ANXA10: variants seen among roughly 807,000 people sequenced by gnomAD.
ANXA10 encodes the protein annexin A10.
A neutral mutation model predicts 53.5 loss-of-function variants in ANXA10; 49 were observed. The ratio of observed to expected loss-of-function variants is 0.92; its 90% CI spans 0.73 to 1.16. The LOEUF (loss-of-function observed/expected upper bound fraction) is 1.16. ANXA10 is among the 50% of genes most tolerant of loss of function. ANXA10 has a pLI of 0.00. For synonymous variants in ANXA10, 131 were observed against 128.9 expected, an observed-to-expected ratio of 1.02 and a Z score of -0.11; for missense variants, 393 against 394.4, an observed-to-expected ratio of 1.00 and a Z score of 0.03.
intron 2 of ANXA10, among the ~76,000 whole-genome samples, chr4:168,135,903 A>G (rs1731229564): frequency 6.6e-6 from 1 of 152,238 alleles, no homozygotes; most frequent in African/African-American, 2.4e-5. Flanking sequence ...ATTTATAAAG[A>G]AAAGACATTT....
chr4:168,166,873 T>C (rs761305805), intron 6 of ANXA10, among the ~76,000 whole-genome samples: 4 of 152,088 alleles, frequency 2.6e-5, no homozygotes, highest in Non-Finnish European at 5.9e-5. Context: ...GAAAGCCTTT[T>C]TAGTGGGAAC....
chr4:168,097,673 T>C (rs1730573552), intron 1 of ANXA10, among the ~76,000 whole-genome samples: 1 of 152,118 alleles, frequency 6.6e-6, no homozygotes, highest in Non-Finnish European at 1.5e-5. Flanking sequence ...TGCCAACTTC[T>C]GCAGTGGCTT....
At chr4:168,128,209 T>A in intron 2 of ANXA10, 44 bp downstream of exon 2, 1 of 1,536,644 alleles carries the variant, frequency 6.5e-7, no homozygotes. Flanking sequence ...GATTATTTTT[T>A]GCTTTACCTT....
chr4:168,162,681 G>A (rs1178667975), intron 4 of ANXA10, 40 bp downstream of exon 4: 2 of 1,539,502 alleles, frequency 1.3e-6, no homozygotes, highest in African/African-American at 2.7e-5. Context: ...AACAAGTACA[G>A]GCCAGTATTT....
intron 1 of ANXA10, among the ~76,000 whole-genome samples, chr4:168,111,508 A>T (rs1469754487): frequency 6.6e-6 from 1 of 152,212 alleles, no homozygotes; most frequent in African/African-American, 2.4e-5. Context: ...GCAGTAGTTT[A>T]AATCCATAAC....
intron 6 of ANXA10, among the ~76,000 whole-genome samples, chr4:168,176,379 C>T (rs1732127948): frequency 6.6e-6 from 1 of 152,078 alleles, no homozygotes; most frequent in Admixed American, 6.6e-5. Flanking sequence ...GATGATTTAG[C>T]CTCACCTTTA....
In ANXA10 at chr4:168,170,876, A is replaced by AAACTT. The variant is rs1354701833; in HGVS notation, c.480+5553_480+5557dup. ...GAAAATGGAGGTACCAAACTATTAA[A>AAACTT]AACTTAATATAATCTCCTTTAATAA... On this transcript the variant is annotated intron_variant, in intron 6 of 11. Coordinates refer to ENST00000359299, the MANE Select transcript of ANXA10 (RefSeq NM_007193.5). Among the ~76,000 whole-genome samples, 4 of 152,190 alleles carry AAACTT rather than the reference A, an allele frequency of 2.6e-5. No individual in the cohort carries two copies. The East Asian group carries it at 7.7e-4, about 29-fold the overall frequency.
At chr4:168,129,265 A>T (rs1272734418) in intron 2 of ANXA10, among the ~76,000 whole-genome samples, 1 of 152,190 alleles carries the variant, frequency 6.6e-6, no homozygotes, top group Non-Finnish European at 1.5e-5. Flanking sequence ...AGCTGACTTT[A>T]GGAGTTTGCA....
intron 3 of ANXA10, among the ~76,000 whole-genome samples, chr4:168,154,018 G>A (rs1171413990): frequency 1.3e-5 from 2 of 150,878 alleles, no homozygotes; most frequent in East Asian, 1.9e-4. Context: ...ACACGCGCGC[G>A]CGCGTGCCTC....
At chr4:168,127,817 CTTTTTTTT>C (rs766782048) in intron 1 of ANXA10, 43 of 148,840 alleles carry the variant, frequency 2.9e-4, no homozygotes, top group South Asian at 3.5e-4. Context: ...ATGTTGAAAC[CTTTTTTTT>C]TTTTTTTTTT....
chr4:168,122,450 A>G (rs971023780), intron 1 of ANXA10, among the ~76,000 whole-genome samples: 1 of 152,240 alleles, frequency 6.6e-6, no homozygotes. Flanking sequence ...GTGAATTACA[A>G]CTACTGAGAG....
At chr4:168,154,393 G>C (rs558745159) in intron 3 of ANXA10, among the ~76,000 whole-genome samples, 1 of 152,196 alleles carries the variant, frequency 6.6e-6, no homozygotes, top group East Asian at 1.9e-4. Context: ...AAGAATTTGT[G>C]AGAAAGTCCA....
chr4:168,155,242 C>A (rs1206085002), intron 3 of ANXA10, among the ~76,000 whole-genome samples: 2 of 145,392 alleles, frequency 1.4e-5, no homozygotes, highest in East Asian at 4.0e-4. Context: ...CTAATTTATA[C>A]ATTCGTACAA....
At chr4:168,139,702 T>C (rs1731297010) in intron 3 of ANXA10, 122 bp downstream of exon 3, 6 of 607,532 alleles carry the variant, frequency 9.9e-6, no homozygotes, top group Non-Finnish European at 8.6e-6. Context: ...CATCATTATA[T>C]GTCAGATACA....
chr4:168,128,051 T>C (rs1731100669), intron 1 of ANXA10, 33 bp from the exon 2 acceptor site: 4 of 1,560,060 alleles, frequency 2.6e-6, no homozygotes, highest in Non-Finnish European at 3.5e-6. Flanking sequence ...ACATGAATTA[T>C]TACAATCACT....
Position 168,179,283 on chromosome 4 carries a change from G to A in ANXA10, c.695G>A (p.Gly232Glu), listed in dbSNP as rs766070039. 112 of 1,611,422 alleles carry A rather than the reference G, an allele frequency of 7.0e-5. No homozygotes were observed. Among genetic ancestry groups the A allele is most frequent in the Non-Finnish European group, 9.2e-5 (108 of 1,178,748 alleles). Residue 232 changes from glycine (G) to glutamate (E), a missense_variant, in exon 9 of 12, where the codon GGA (glycine) becomes GAA (glutamate). Transcript: ENST00000359299. ...MVDAINECYD[G>E]YFQELLVAIV... is the part of the protein sequence containing the mutation. Reference sequence around the variant, plus strand: ...GATGCCATTAATGAATGTTATGATGGATACTTTCAGGAGCTGCTGGTTGCA... The same window carrying A: ...GATGCCATTAATGAATGTTATGATGAATACTTTCAGGAGCTGCTGGTTGCA...
In ANXA10 at chr4:168,098,477, T is replaced by A. The variant is rs565495103; in HGVS notation, c.18+5759T>A. ...GAGTTCTTCTATCAGTAGAAATTAT[T>A]TGTAATCAGAAGTAGCTCAGCCTGA... On this transcript the variant is annotated intron_variant, in intron 1 of 11. Coordinates refer to ENST00000359299, the MANE Select transcript of ANXA10 (RefSeq NM_007193.5). Among the ~76,000 whole-genome samples, 34 of 152,240 alleles carry A rather than the reference T, an allele frequency of 2.2e-4. 2 individuals are homozygous for A. The South Asian group carries it at 6.8e-3, about 31-fold the overall frequency.
chr4:168,123,911 G>A (rs1731029203), intron 1 of ANXA10, among the ~76,000 whole-genome samples: 1 of 152,088 alleles, frequency 6.6e-6, no homozygotes. Context: ...TCCTTGTTAG[G>A]TATCTTCCCA....
intron 6 of ANXA10, among the ~76,000 whole-genome samples, chr4:168,173,055 G>A (rs957081450): frequency 6.6e-6 from 1 of 152,098 alleles, no homozygotes; most frequent in Non-Finnish European, 1.5e-5. Flanking sequence ...CTCCCAAAGT[G>A]TTGGGATTAC....
Sources: gnomAD v4.1 joint callset for allele counts (sites outside exome capture counted in the v4.1 genomes callset) on GRCh38, gnomAD v4.1.1 for gene constraint, MANE v1.5 for transcripts, NCBI Gene and HGNC (gene_info 2026-07-23, HGNC 2026-07-21) for gene names.